EXPH5: variants seen among roughly 807,000 people sequenced by gnomAD.
EXPH5 encodes exophilin 5, also known as exophilin-5.
Under a neutral mutation model 41.1 loss-of-function variants are expected in EXPH5, and 42 were observed. The observed-to-expected ratio is 1.02, with a 90% CI of 0.80 to 1.32. The LOEUF is 1.32. EXPH5 is among the 40% of genes most tolerant of loss of function. EXPH5 has a pLI of 0.00. For synonymous variants in EXPH5, 798 were observed against 833.5 expected (o/e 0.96, Z 0.73); for missense variants, 2,298 against 2,314.5 (o/e 0.99, Z 0.15).
Position 108,512,155 on chromosome 11 carries a change from G to A in EXPH5, c.3352C>T (p.Leu1118Phe), listed in dbSNP as rs1317027809. ...TSVRKGPLPF[L>F]INRAMSCPSG... ...GGACATGACATAGCCCTGTTGATGA[G>A]GAATGGAAGTGGTCCTTTTCTAACG... The change falls in exon 6 of 6, where the codon CTC (leucine) becomes TTC (phenylalanine). Residue 1118 changes from leucine (L) to phenylalanine (F), a missense_variant. By Grantham distance (22) the Leu-to-Phe change is conservative. Transcript: ENST00000265843. 6.2e-7 allele frequency: 1 copy of A among 1,612,810 alleles called. No individual in the cohort carries two copies. Among genetic ancestry groups the A allele is most frequent in the Admixed American group, 1.7e-5 (1 of 59,684 alleles).
chr11:108,514,224 CT>C lies in EXPH5; in HGVS notation c.1282del (p.Ser428ValfsTer2). On this transcript the variant is annotated frameshift_variant, in exon 6 of 6. Transcript: ENST00000265843. LOFTEE classifies it low-confidence loss of function (END_TRUNC). ...TGCATTCTCCATGGGAGCATTTAAA[CT>C]AACACGTTGGTAAACATTCTGTGAA... ...YHSQNVYQRV[S>X]LNAPMENAMS... is the part of the protein sequence containing the mutation. The C allele has an allele frequency of 1.2e-6, 2 of 1,614,232 alleles. No homozygotes were observed. The highest frequency in any genetic ancestry group is 1.7e-6 in the Non-Finnish European group (2 of 1,180,038).
At chr11:108,556,929 T>C (rs565277723) in intron 1 of EXPH5, among the ~76,000 whole-genome samples, 13 of 152,366 alleles carry the variant, frequency 8.5e-5, no homozygotes, top group African/African-American at 2.9e-4. Context: ...CTGCCTTTTC[T>C]ACCACTTTTA....
chr11:108,513,361 TGCTTA>T lies in EXPH5; in HGVS notation c.2141_2145del (p.Leu714GlnfsTer10). The T allele has an allele frequency of 6.2e-7, 1 of 1,614,130 alleles. No homozygotes were observed. The highest frequency in any genetic ancestry group is 2.2e-5 in the East Asian group (1 of 44,884). The stretch of plus-strand genomic sequence containing the variant: ...CCTGCCTTGTTTGTCTGGTCCATCT[TGCTTA>T]GCTGTTTGTCTTCTTCTGAAATAGA... On this transcript the variant is annotated frameshift_variant, in exon 6 of 6. Transcript: ENST00000265843. LOFTEE classifies it low-confidence loss of function (END_TRUNC).
intron 1 of EXPH5, among the ~76,000 whole-genome samples, chr11:108,562,136 T>C (rs1237236524): frequency 2.6e-5 from 4 of 152,134 alleles, no homozygotes; most frequent in African/African-American, 9.7e-5. Context: ...AAGAACATAA[T>C]GAAAACATCC....
intron 1 of EXPH5, among the ~76,000 whole-genome samples, chr11:108,559,681 C>CT (rs759549242): frequency 1.3e-5 from 2 of 152,250 alleles, no homozygotes; most frequent in South Asian, 2.1e-4. Flanking sequence ...TGCAGAACAT[C>CT]TTTTTTTCCC....
At chr11:108,542,648 T>C (rs1331397844) in intron 1 of EXPH5, among the ~76,000 whole-genome samples, 1 of 152,204 alleles carries the variant, frequency 6.6e-6, no homozygotes. Flanking sequence ...GGATACTTGC[T>C]TGTCCATCCA....
chr11:108,557,044 G>T (rs755423425), intron 1 of EXPH5, among the ~76,000 whole-genome samples: 1 of 152,166 alleles, frequency 6.6e-6, no homozygotes, highest in Non-Finnish European at 1.5e-5. Context: ...CATCTGAAAT[G>T]CTCTTCCCTA....
At chr11:108,603,757 A>G in the EXPH5 span, among the ~76,000 whole-genome samples, 1 of 152,228 alleles carries the variant, frequency 6.6e-6, no homozygotes, top group Non-Finnish European at 1.5e-5. Flanking sequence ...TGAATAGGCC[A>G]TTTGCTCCAC....
chr11:108,514,547 C>A lies in EXPH5; in HGVS notation c.960G>T (p.Ser320=). The A allele has an allele frequency of 1.2e-6, 2 of 1,613,848 alleles. No homozygotes were observed. Among genetic ancestry groups the A allele is most frequent in the Non-Finnish European group, 1.7e-6 (2 of 1,179,880 alleles). ...ACCGTTGCCTGCTGTCAAAACACAG[C>A]GAAGTACTGCCAAAAGTATTCTTTT... ...YVQKNTFGST[S]LCFDSRQRSA... is the part of the protein sequence containing the mutation. The change falls in exon 6 of 6, where the codon TCG becomes TCT. Residue 320 remains serine, a synonymous_variant. Coordinates refer to ENST00000265843, the MANE Select transcript of EXPH5 (RefSeq NM_015065.3).
rs1192372527 is a variant in EXPH5 at position 108,511,144 on chromosome 11, G to T, written c.4363C>A (p.Pro1455Thr). 1 of 1,613,640 alleles carries T rather than the reference G, an allele frequency of 6.2e-7. No individual in the cohort carries two copies. Among genetic ancestry groups the T allele is most frequent in the Non-Finnish European group, 8.5e-7 (1 of 1,179,798 alleles). The part of the protein sequence containing the change: ...WECTGSGRAI[P>T]FTGSGKCPQK... ...GGACACTTGCCACTTCCAGTAAATG[G>T]AATGGCTCTACCACTCCCTGTACAC... Residue 1455 changes from proline (P) to threonine (T), a missense_variant, in exon 6 of 6, where the codon CCA (proline) becomes ACA (threonine). By Grantham distance (38) the Pro-to-Thr change is conservative. Coordinates refer to ENST00000265843, the MANE Select transcript of EXPH5 (RefSeq NM_015065.3).
intron 2 of EXPH5, among the ~76,000 whole-genome samples, chr11:108,540,241 T>C (rs903021614): frequency 2.0e-5 from 3 of 152,168 alleles, no homozygotes; most frequent in African/African-American, 7.2e-5. Context: ...GAGAATTGCT[T>C]GAACCCGGGA....
At position 108,512,148 on chromosome 11, in the gene EXPH5, T is replaced by C. The variant is rs911699724; in HGVS notation, c.3359A>G (p.Asn1120Ser). 1 of 1,613,142 alleles carries C rather than the reference T, an allele frequency of 6.2e-7. No homozygotes were observed. Among genetic ancestry groups the C allele is most frequent in the Middle Eastern group, 1.7e-4 (1 of 6,056 alleles). ...CCCTGAGGGACATGACATAGCCCTG[T>C]TGATGAGGAATGGAAGTGGTCCTTT... is the stretch of plus-strand genomic sequence containing the variant. ...VRKGPLPFLINRAMSCPSGEP... is the reference protein window; with the variant it reads ...VRKGPLPFLISRAMSCPSGEP... The change falls in exon 6 of 6, where the codon AAC (asparagine) becomes AGC (serine). Residue 1120 changes from asparagine to serine, a missense_variant. Asn to Ser is a conservative substitution (Grantham distance 46, BLOSUM62 1). Coordinates refer to ENST00000265843, the MANE Select transcript of EXPH5 (RefSeq NM_015065.3).
chr11:108,576,778 A>G (rs920641254), intron 1 of EXPH5, among the ~76,000 whole-genome samples: 2 of 152,164 alleles, frequency 1.3e-5, no homozygotes, highest in South Asian at 2.1e-4. Flanking sequence ...GAAGTGTACA[A>G]TAAATTATAA....
In EXPH5 at chr11:108,512,844, G is replaced by A. The variant is rs1366176462; in HGVS notation, c.2663C>T (p.Ser888Leu). 3 of 1,614,108 alleles carry A rather than the reference G, an allele frequency of 1.9e-6. No individual in the cohort carries two copies. Among genetic ancestry groups the A allele is most frequent in the Non-Finnish European group, 2.5e-6 (3 of 1,180,036 alleles). Residue 888 changes from serine to leucine, a missense_variant, in exon 6 of 6, where the codon TCA (serine) becomes TTA (leucine). Physicochemically the swap from Ser to Leu is moderately radical, Grantham distance 145. Coordinates refer to ENST00000265843, the MANE Select transcript of EXPH5 (RefSeq NM_015065.3). ...ATCAAGGGAAGAATTCTTTGATGGT[G>A]AGGAATCTGGTAGTGCAGCTGATGA... ...DLSSAALPDS[S>L]PSKNSSLDAP...
chr11:108,516,478 ACTCT>A (rs894721757), intron 5 of EXPH5, among the ~76,000 whole-genome samples: 1 of 152,030 alleles, frequency 6.6e-6, no homozygotes, highest in Non-Finnish European at 1.5e-5. Context: ...AGGTGTGTAG[ACTCT>A]CTAAGACCCA....
rs1437689190 is a variant in EXPH5 at position 108,513,481 on chromosome 11, T to G, written c.2026A>C (p.Ser676Arg). The change falls in exon 6 of 6, where the codon AGC becomes CGC. Residue 676 changes from serine to arginine, a missense_variant. Physicochemically the swap from Ser to Arg is moderately radical, Grantham distance 110. Coordinates refer to ENST00000265843, the MANE Select transcript of EXPH5 (RefSeq NM_015065.3). ...GGCAGAGAGTCAACTGAATTGCTGC[T>G]GGTCACAGTGACTTCTGTATGGCTT... ...MRSHTEVTVT[S>R]SNSVDSLPLA... 1.7e-5 allele frequency: 27 copies of G among 1,613,818 alleles called. No homozygotes were observed. The highest frequency in any genetic ancestry group is 2.2e-5 in the Non-Finnish European group (26 of 1,179,882).
At position 108,513,477 on chromosome 11, in the gene EXPH5, C is replaced by T. The variant is rs1424588884; in HGVS notation, c.2030G>A (p.Ser677Asn). 6.2e-7 allele frequency: 1 copy of T among 1,613,726 alleles called. No homozygotes were observed. Among genetic ancestry groups the T allele is most frequent in the Admixed American group, 1.7e-5 (1 of 59,984 alleles). Reference sequence around the variant, plus strand: ...AAGAGGCAGAGAGTCAACTGAATTGCTGCTGGTCACAGTGACTTCTGTATG... The same window carrying T: ...AAGAGGCAGAGAGTCAACTGAATTGTTGCTGGTCACAGTGACTTCTGTATG... ...RSHTEVTVTS[S>N]NSVDSLPLAK... is the part of the protein sequence containing the mutation. Residue 677 changes from serine (S) to asparagine (N), a missense_variant, in exon 6 of 6, where the codon AGC (serine) becomes AAC (asparagine). Transcript: ENST00000265843.
intron 5 of EXPH5, among the ~76,000 whole-genome samples, chr11:108,516,043 G>A (rs796649826): frequency 3.6e-5 from 5 of 138,328 alleles, no homozygotes; most frequent in Non-Finnish European, 7.5e-5. Flanking sequence ...CTGCACTCCA[G>A]CCTGGGCGAA....
In EXPH5 at chr11:108,511,277, A is replaced by G. The variant is rs369244769; in HGVS notation, c.4230T>C (p.Ser1410=). 9.3e-6 allele frequency: 15 copies of G among 1,605,898 alleles called. No homozygotes were observed. Among genetic ancestry groups the G allele is most frequent in the Non-Finnish European group, 1.3e-5 (15 of 1,177,870 alleles). ...LQRKNVSEEK[S]ENCQQSINSS... is the part of the protein sequence containing the mutation. ...AATTAATGGATTGTTGACAATTTTC[A>G]GATTTTTCTTCGGATACATTTTTTC... Residue 1410 remains serine (S), a synonymous_variant, in exon 6 of 6, where the codon TCT becomes TCC. Transcript: ENST00000265843.
Sources: allele counts gnomAD v4.1 joint callset (sites outside exome capture counted in the v4.1 genomes callset), GRCh38; gene constraint gnomAD v4.1.1; transcripts MANE v1.5; gene names NCBI Gene and HGNC (gene_info 2026-07-23, HGNC 2026-07-21).